The following FAT1 variants were observed in gnomAD, a reference collection of about 807,000 sequenced individuals.
FAT1 encodes FAT atypical cadherin 1, also known as protocadherin Fat 1.
A neutral mutation model predicts 329.8 loss-of-function variants in FAT1; 171 were observed. The observed-to-expected ratio is 0.52, with a 90% CI of 0.46 to 0.59. The LOEUF is 0.59. FAT1 is among the 20% of genes least tolerant of loss of function. The pLI, the probability that FAT1 is intolerant of heterozygous loss-of-function variation, is 0.00. For synonymous variants in FAT1, 2,233 were observed against 2,228.6 expected (o/e 1.00, Z -0.06); for missense variants, 5,672 against 5,774.4 (o/e 0.98, Z 0.57).
intron 3 of FAT1, among the ~76,000 whole-genome samples, chr4:186,641,401 T>C (rs1392624055): frequency 1.3e-5 from 2 of 152,180 alleles, no homozygotes; most frequent in African/African-American, 4.8e-5. Context: ...TCTCTTTTTT[T>C]CCCCAATCAA....
At chr4:186,695,760 A>AACACACACACAC (rs34932295) in intron 2 of FAT1, among the ~76,000 whole-genome samples, 273 of 141,334 alleles carry the variant, frequency 1.9e-3, no homozygotes, top group African/African-American at 4.2e-3. Flanking sequence ...TTATATATAA[A>AACACACACACAC]ACACACACAC....
intron 16 of FAT1, among the ~76,000 whole-genome samples, chr4:186,607,361 G>GGATAGATGGGTGGATGGGTAA: frequency 6.6e-6 from 1 of 151,764 alleles, no homozygotes; most frequent in Admixed American, 6.6e-5. Context: ...ATGGATGGAT[G>GGATAGATGGGTGGATGGGTAA]CATAGATGGG....
intron 3 of FAT1, among the ~76,000 whole-genome samples, chr4:186,643,681 G>A (rs1741208570): frequency 1.3e-5 from 2 of 151,994 alleles, no homozygotes; most frequent in African/African-American, 4.8e-5. Context: ...AACACCCCGG[G>A]GAACGCTACC....
chr4:186,622,500 C>A (rs328433), intron 9 of FAT1, among the ~76,000 whole-genome samples: 2 of 151,974 alleles, frequency 1.3e-5, no homozygotes, highest in East Asian at 3.9e-4. Flanking sequence ...CATCCTACAA[C>A]GCACAGGACA....
rs1560923960 is a variant in FAT1, at chr4:186,603,164, C to T, written c.11350+12G>A. The T allele has an allele frequency of 1.2e-6, 2 of 1,613,332 alleles. No individual in the cohort carries two copies. The highest frequency in any genetic ancestry group is 1.1e-5 in the South Asian group (1 of 91,002). The stretch of plus-strand genomic sequence containing the variant: ...TCTGTGACACCGACTTTCATACACT[C>T]ATGTGCAGTACCTTTGCAGAGACAC... On this transcript the variant is annotated intron_variant, in intron 19 of 26. Transcript: ENST00000441802.
chr4:186,619,493 C>T lies in FAT1; in HGVS notation c.7093G>A (p.Gly2365Ser), dbSNP rs2126506100. 6.2e-7 allele frequency: 1 copy of T among 1,613,900 alleles called. No individual in the cohort carries two copies. The highest frequency in any genetic ancestry group is 2.2e-5 in the East Asian group (1 of 44,866). ...QHTIFVRAVD[G>S]GMPTLSSDVI... is the part of the protein sequence containing the mutation. ...TCACTGCTCAGCGTGGGCATACCACCATCAACTGCCCTCACAAAAATCGTG... is the reference window on the plus strand; with the variant it reads ...TCACTGCTCAGCGTGGGCATACCACTATCAACTGCCCTCACAAAAATCGTG... The change falls in exon 10 of 27, where the codon GGT becomes AGT. Residue 2365 changes from glycine to serine, a missense_variant. Coordinates refer to ENST00000441802, the MANE Select transcript of FAT1 (RefSeq NM_005245.4).
intron 26 of FAT1, chr4:186,592,796 T>C (rs1738308970): frequency 2.2e-6 from 1 of 456,330 alleles, no homozygotes; most frequent in African/African-American, 2.0e-5. Context: ...ACATCTTCAG[T>C]TAGTTAGAAA....
At chr4:186,608,592 G>A (rs1739249802) in intron 16 of FAT1, among the ~76,000 whole-genome samples, 1 of 152,000 alleles carries the variant, frequency 6.6e-6, no homozygotes, top group Admixed American at 6.6e-5. Context: ...TTGACTTCAC[G>A]AATGCAGAAT....
intron 3 of FAT1, among the ~76,000 whole-genome samples, chr4:186,650,765 T>C (rs114332380): frequency 1.9e-3 from 295 of 152,236 alleles, no homozygotes; most frequent in African/African-American, 6.8e-3. Flanking sequence ...AGGTCAGAGA[T>C]TTAAGTAAAA....
chr4:186,622,680 G>A (rs141585899), intron 9 of FAT1, among the ~76,000 whole-genome samples: 3 of 152,186 alleles, frequency 2.0e-5, no homozygotes, highest in East Asian at 3.9e-4. Flanking sequence ...TTGTATCATC[G>A]ACTGAATCTT....
chr4:186,619,726 G>T lies in FAT1; in HGVS notation c.6860C>A (p.Ser2287Tyr), dbSNP rs751144876. 5.0e-6 allele frequency: 8 copies of T among 1,613,892 alleles called. No individual in the cohort carries two copies. The South Asian group carries it at 7.7e-5, about 16-fold the overall frequency. The change falls in exon 10 of 27, where the codon TCT becomes TAT. Residue 2287 changes from serine to tyrosine, a missense_variant. Physicochemically the swap from Ser to Tyr is moderately radical, Grantham distance 144. Around this residue, in one of 2 missense-constraint regions of FAT1, gnomAD observed 3,966 missense variants for 3,915.2 expected, o/e 1.01. Coordinates refer to ENST00000441802, the MANE Select transcript of FAT1 (RefSeq NM_005245.4). ...TGCCTCAGACAGGGTCACCGCATAA[G>T]ACTGCTGAGCAAACACAGGAGGGTT... ...NDNPPVFAQQ[S>Y]YAVTLSEASV...
rs55834504 is a variant in FAT1 at position 186,688,114 on chromosome 4, G to GAAAAAAAAAAAAA, written c.3265+18436_3265+18448dup. Reference sequence around the variant, plus strand: ...CCAAATGCTATGGAGACTCAAAGCTGAAAAAAAAAAAAAAAAAAAGCCAAC... The same window carrying GAAAAAAAAAAAAA: ...CCAAATGCTATGGAGACTCAAAGCTGAAAAAAAAAAAAAAAAAAAAAAAAAAAAAAAAGCCAAC... On this transcript the variant is annotated intron_variant, in intron 2 of 26. Transcript: ENST00000441802. Among the ~76,000 whole-genome samples the GAAAAAAAAAAAAA allele has an allele frequency of 9.0e-5, 5 of 55,652 alleles. 1 individual carries two copies. Among genetic ancestry groups the GAAAAAAAAAAAAA allele is most frequent in the Non-Finnish European group, 2.0e-4 (5 of 24,658 alleles). The allele number at this position is 55,652 out of a possible 152,430, so 36.5% of individuals were successfully genotyped here.
intron 2 of FAT1, among the ~76,000 whole-genome samples, chr4:186,681,967 A>C (rs1348123083): frequency 6.6e-6 from 1 of 152,216 alleles, no homozygotes; most frequent in Non-Finnish European, 1.5e-5. Flanking sequence ...CGGATCTATA[A>C]GTAAAGACTA....
Position 186,622,457 on chromosome 4 carries a change from G to A in FAT1, c.4811-682C>T, listed in dbSNP as rs556705666. On this transcript the variant is annotated intron_variant, in intron 9 of 26. Coordinates refer to ENST00000441802, the MANE Select transcript of FAT1 (RefSeq NM_005245.4). Reference sequence around the variant, plus strand: ...CTTGTCGGAAGAGGGTGCTCCTGGCGTCTCGTGGGTGGAGACCAGGGGTGT... The same window carrying A: ...CTTGTCGGAAGAGGGTGCTCCTGGCATCTCGTGGGTGGAGACCAGGGGTGT... Among the ~76,000 whole-genome samples, 5 of 152,218 alleles carry A rather than the reference G, an allele frequency of 3.3e-5. No individual in the cohort carries two copies. In the South Asian group the frequency reaches 6.2e-4, roughly 19 times the overall value.
At chr4:186,607,070 C>A (rs2126451386) in intron 16 of FAT1, among the ~76,000 whole-genome samples, 1 of 152,314 alleles carries the variant, frequency 6.6e-6, no homozygotes, top group African/African-American at 2.4e-5. Flanking sequence ...AAGCATGCTT[C>A]CCAAATCCTT....
rs78833141 is a variant in FAT1 at position 186,592,935 on chromosome 4, T to C, written c.13138+2754A>G. On this transcript the variant is annotated intron_variant, in intron 26 of 26. Transcript: ENST00000441802. ...TAGCTGTGTGTCTCAGAGACTTTTT[T>C]AATCGAGCTATATATTTGTTATTAT... Among the ~76,000 whole-genome samples, 1,466 of 152,354 alleles carry C rather than the reference T, an allele frequency of 9.6e-3. 25 individuals are homozygous for C. The highest frequency in any genetic ancestry group is 0.034 in the African/African-American group (1,397 of 41,578).
chr4:186,711,781 A>G (rs911580162), intron 1 of FAT1, among the ~76,000 whole-genome samples: 3 of 152,134 alleles, frequency 2.0e-5, no homozygotes, highest in Non-Finnish European at 1.5e-5. Context: ...TTAGCAGGAT[A>G]TGGTGGAGCA....
At chr4:186,655,748 G>A (rs931019557) in intron 3 of FAT1, among the ~76,000 whole-genome samples, 1 of 152,154 alleles carries the variant, frequency 6.6e-6, no homozygotes, top group African/African-American at 2.4e-5. Flanking sequence ...GCTCTTAAAA[G>A]CACAGCATCC....
At chr4:186,705,893 G>C (rs1744563472) in intron 2 of FAT1, among the ~76,000 whole-genome samples, 2 of 152,100 alleles carry the variant, frequency 1.3e-5, no homozygotes, top group Non-Finnish European at 2.9e-5. Flanking sequence ...AAACCTTCCG[G>C]TATTTCTAAG....
Sources: allele counts gnomAD v4.1 joint callset (sites outside exome capture counted in the v4.1 genomes callset), GRCh38; gene constraint gnomAD v4.1.1; regional missense constraint gnomAD v4.1.1; transcripts MANE v1.5; gene names NCBI Gene and HGNC (gene_info 2026-07-23, HGNC 2026-07-21).